FRMD4A: variants seen among roughly 807,000 people sequenced by gnomAD.
The protein encoded by FRMD4A is FERM domain-containing protein 4A.
In FRMD4A, 29 loss-of-function variants were observed where a neutral mutation model predicts 129.1. That is an observed-to-expected ratio of 0.22 (90% CI 0.17 to 0.31). The LOEUF (loss-of-function observed/expected upper bound fraction) is 0.31. FRMD4A is among the 10% of genes least tolerant of loss of function. The pLI is 1.00. For synonymous variants in FRMD4A, 634 were observed against 571.6 expected (o/e 1.11, Z -1.56); for missense variants, 1,272 against 1,375.8 (o/e 0.92, Z 1.19).
At chr10:13,867,634 G>T in intron 2 of FRMD4A, among the ~76,000 whole-genome samples, 1 of 78,310 alleles carries the variant, frequency 1.3e-5, no homozygotes, top group East Asian at 3.5e-4. Context: ...ATATAATTAT[G>T]ATATATAATA....
intron 2 of FRMD4A, among the ~76,000 whole-genome samples, chr10:14,055,737 C>A (rs1444259076): frequency 6.6e-6 from 1 of 152,152 alleles, no homozygotes; most frequent in Non-Finnish European, 1.5e-5. Context: ...TTACGGGGTA[C>A]ATGAGACGTT....
intron 2 of FRMD4A, among the ~76,000 whole-genome samples, chr10:14,295,904 C>A (rs72780819): frequency 7.2e-5 from 11 of 152,066 alleles, no homozygotes; most frequent in African/African-American, 2.7e-4. Context: ...GCAGTTTAAA[C>A]GGGGTCAACA....
intron 2 of FRMD4A, among the ~76,000 whole-genome samples, chr10:14,081,035 A>G (rs1835899366): frequency 2.0e-5 from 3 of 152,098 alleles, no homozygotes; most frequent in Admixed American, 2.0e-4. Context: ...TTTTATATAA[A>G]GATTACTCAG....
intron 2 of FRMD4A, 49 bp downstream of exon 2, chr10:14,330,009 A>C: frequency 6.5e-7 from 1 of 1,530,128 alleles, no homozygotes; most frequent in Non-Finnish European, 8.9e-7. Context: ...GGTGCAGGGG[A>C]GGCTGGAGTG....
At chr10:14,032,628 C>A (rs988315864) in intron 2 of FRMD4A, among the ~76,000 whole-genome samples, 8 of 152,184 alleles carry the variant, frequency 5.3e-5, no homozygotes, top group African/African-American at 1.9e-4. Context: ...CAGGGGGCGC[C>A]AGCAAGGGGG....
At chr10:14,305,883 A>T (rs1846334076) in intron 2 of FRMD4A, among the ~76,000 whole-genome samples, 1 of 152,238 alleles carries the variant, frequency 6.6e-6, no homozygotes, top group Non-Finnish European at 1.5e-5. Context: ...CAGAAAATCA[A>T]ATACTGCATA....
At chr10:13,924,578 C>CT (rs2095108893) in intron 2 of FRMD4A, among the ~76,000 whole-genome samples, 1 of 152,172 alleles carries the variant, frequency 6.6e-6, no homozygotes, top group Non-Finnish European at 1.5e-5. Flanking sequence ...AAACCACATT[C>CT]TTTTCACATT....
At chr10:14,247,193 G>T (rs764555179) in intron 2 of FRMD4A, among the ~76,000 whole-genome samples, 2 of 151,992 alleles carry the variant, frequency 1.3e-5, no homozygotes, top group Non-Finnish European at 2.9e-5. Context: ...AAGACCAGTG[G>T]GAGACTGTGA....
chr10:13,962,437 T>G (rs2095451900), intron 2 of FRMD4A, among the ~76,000 whole-genome samples: 1 of 152,256 alleles, frequency 6.6e-6, no homozygotes, highest in Non-Finnish European at 1.5e-5. Flanking sequence ...GTGTCAAAAC[T>G]TGTCTCTTAC....
intron 6 of FRMD4A, among the ~76,000 whole-genome samples, chr10:13,772,346 C>A (rs1169115044): frequency 6.6e-6 from 1 of 151,676 alleles, no homozygotes; most frequent in Admixed American, 6.6e-5. Context: ...ATCAACTACA[C>A]CAGACTCTAA....
intron 2 of FRMD4A, among the ~76,000 whole-genome samples, chr10:13,952,700 T>G (rs1220284630): frequency 6.6e-6 from 1 of 152,058 alleles, no homozygotes; most frequent in Non-Finnish European, 1.5e-5. Context: ...TAATTTTAAT[T>G]TTTTATTTTT....
intron 2 of FRMD4A, among the ~76,000 whole-genome samples, chr10:13,964,754 C>T (rs1351070864): frequency 6.6e-6 from 1 of 151,008 alleles, no homozygotes; most frequent in East Asian, 1.9e-4. Context: ...TCACTGCAAC[C>T]TCTGCCTCCC....
In FRMD4A at chr10:14,144,046, A is replaced by G. The variant is rs186331091; in HGVS notation, c.45+186012T>C. On this transcript the variant is annotated intron_variant, in intron 2 of 24. Transcript: ENST00000357447. ...GATGGGAGGTTTTAAGAGTTAGAAT[A>G]AAATGCTCAAACCAAGGAGACGCTA... 1.9e-4 allele frequency among the ~76,000 whole-genome samples: 29 copies of G among 152,326 alleles called. 1 individual carries two copies. The highest frequency in any genetic ancestry group is 1.7e-3 in the South Asian group (8 of 4,822).
chr10:14,146,251 G>A (rs974705414), intron 2 of FRMD4A, among the ~76,000 whole-genome samples: 2 of 152,198 alleles, frequency 1.3e-5, no homozygotes, highest in Non-Finnish European at 2.9e-5. Context: ...CTACTGCACT[G>A]AATGTGGCAG....
chr10:13,662,714 G>C (rs898948331), intron 19 of FRMD4A, among the ~76,000 whole-genome samples: 12 of 152,086 alleles, frequency 7.9e-5, no homozygotes, highest in African/African-American at 2.9e-4. Flanking sequence ...TGTATCTACT[G>C]GGATATCTCC....
chr10:13,661,677 A>G (rs2082650963), intron 19 of FRMD4A, among the ~76,000 whole-genome samples: 1 of 152,036 alleles, frequency 6.6e-6, no homozygotes, highest in Non-Finnish European at 1.5e-5. Context: ...AGGGAGAGAG[A>G]CTAGAGAGGG....
intron 2 of FRMD4A, among the ~76,000 whole-genome samples, chr10:13,992,873 A>G (rs564202574): frequency 7.9e-6 from 1 of 127,060 alleles, no homozygotes. Context: ...GGATCGCTTG[A>G]CCCCCGGTGG....
chr10:14,282,143 G>A (rs1845542543), intron 2 of FRMD4A, among the ~76,000 whole-genome samples: 1 of 152,126 alleles, frequency 6.6e-6, no homozygotes, highest in African/African-American at 2.4e-5. Flanking sequence ...AGAACAGTAT[G>A]GGGGAAACTG....
intron 2 of FRMD4A, among the ~76,000 whole-genome samples, chr10:14,078,355 C>G (rs557347945): frequency 6.6e-6 from 1 of 152,362 alleles, no homozygotes; most frequent in South Asian, 2.1e-4. Flanking sequence ...CACATTGACA[C>G]TCTCCTGGCA....
Sources: gnomAD v4.1 joint callset for allele counts (sites outside exome capture counted in the v4.1 genomes callset) on GRCh38, gnomAD v4.1.1 for gene constraint, MANE v1.5 for transcripts, NCBI Gene and HGNC (gene_info 2026-07-23, HGNC 2026-07-21) for gene names.